Variants in PAFAH2 observed in about 807,000 individuals in gnomAD.
PAFAH2 encodes the protein platelet activating factor acetylhydrolase 2.
In PAFAH2, 42 loss-of-function variants were observed where a neutral mutation model predicts 49.0. The ratio of observed to expected loss-of-function variants is 0.86; its 90% CI spans 0.67 to 1.11. The LOEUF (loss-of-function observed/expected upper bound fraction) is 1.11. Ranked by LOEUF, PAFAH2 falls within the 50% of genes least tolerant of loss-of-function variation. The pLI is 0.00. For synonymous variants in PAFAH2, 184 were observed against 181.3 expected, an observed-to-expected ratio of 1.01 and a Z score of -0.12; for missense variants, 503 against 501.8, an observed-to-expected ratio of 1.00 and a Z score of -0.02.
intron 7 of PAFAH2, among the ~76,000 whole-genome samples, chr1:25,978,832 A>G (rs1334231000): frequency 6.6e-6 from 1 of 152,254 alleles, no homozygotes; most frequent in African/African-American, 2.4e-5. Context: ...TACTGTGTTA[A>G]GCCACTGAAA....
chr1:25,980,625 ATATATATTTTATATATATT>A (rs1169387107), intron 7 of PAFAH2, among the ~76,000 whole-genome samples: 1 of 147,318 alleles, frequency 6.8e-6, no homozygotes, highest in African/African-American at 2.5e-5. Context: ...ATATATATAT[ATATATATTTTATATATATT>A]TATTTATATA....
intron 1 of PAFAH2, among the ~76,000 whole-genome samples, chr1:25,993,468 C>G (rs116360493): frequency 1.4e-4 from 21 of 152,254 alleles, no homozygotes; most frequent in Non-Finnish European, 2.8e-4. Context: ...ACAAGCAGAA[C>G]GATGATAACA....
At position 25,979,319 on chromosome 1, in the gene PAFAH2, C is replaced by CTTT. The variant is rs68030738; in HGVS notation, c.667-2549_667-2547dup. On this transcript the variant is annotated intron_variant, in intron 7 of 10. Transcript: ENST00000374282. Reference sequence around the variant, plus strand: ...ACTGTAGCCTGCCATTTACCAATGCCTTTTTTTTTTTTTTTTGAGATAGTC... The same window carrying CTTT: ...ACTGTAGCCTGCCATTTACCAATGCCTTTTTTTTTTTTTTTTTTTGAGATAGTC... Among the ~76,000 whole-genome samples, 12 of 62,152 alleles carry CTTT rather than the reference C, an allele frequency of 1.9e-4. 1 individual carries two copies. Among genetic ancestry groups the CTTT allele is most frequent in the Non-Finnish European group, 1.9e-4 (5 of 25,742 alleles). The allele number at this position is 62,152 out of a possible 152,430, so 40.8% of individuals were successfully genotyped here. A position where few individuals can be genotyped will look rare whatever the true frequency, so the allele number is the denominator to read the frequency against.
intron 5 of PAFAH2, 95 bp downstream of exon 5, chr1:25,984,365 G>T: frequency 1.1e-6 from 1 of 943,682 alleles, no homozygotes; most frequent in Non-Finnish European, 1.6e-6. Flanking sequence ...TGGCTTGCAC[G>T]GTTGTCGAGA....
chr1:25,995,419 T>G (rs2049924471), intron 1 of PAFAH2, among the ~76,000 whole-genome samples: 1 of 152,182 alleles, frequency 6.6e-6, no homozygotes, highest in Admixed American at 6.5e-5. Flanking sequence ...AAATGTATAT[T>G]CTGGGGGCCC....
chr1:25,993,292 G>GA (rs1310690422), intron 1 of PAFAH2, among the ~76,000 whole-genome samples: 3 of 152,154 alleles, frequency 2.0e-5, no homozygotes, highest in African/African-American at 7.2e-5. Flanking sequence ...GATGCTCTGG[G>GA]AGGGATTCAG....
chr1:25,980,872 C>G (rs966953697), intron 7 of PAFAH2, among the ~76,000 whole-genome samples: 2 of 151,692 alleles, frequency 1.3e-5, no homozygotes, highest in Admixed American at 6.6e-5. Context: ...AAAAAATTAG[C>G]TGGGCATGGT....
chr1:25,982,479 T>A lies in PAFAH2; in HGVS notation c.553-2A>T. On this transcript the variant is annotated splice_acceptor_variant, in intron 6 of 10. Transcript: ENST00000374282. LOFTEE classifies it high-confidence loss of function. Reference sequence around the variant, plus strand: ...ACACTCGCTTACCCGCTGATGCACCTGCAACAGAGACAGTCCCAGTGGGAC... The same window carrying A: ...ACACTCGCTTACCCGCTGATGCACCAGCAACAGAGACAGTCCCAGTGGGAC... The A allele has an allele frequency of 6.2e-7, 1 of 1,608,746 alleles. No individual in the cohort carries two copies. Among genetic ancestry groups the A allele is most frequent in the East Asian group, 2.2e-5 (1 of 44,848 alleles).
At chr1:25,967,080 G>A (rs1305177557) in intron 10 of PAFAH2, among the ~76,000 whole-genome samples, 1 of 151,618 alleles carries the variant, frequency 6.6e-6, no homozygotes, top group Non-Finnish European at 1.5e-5. Context: ...GGCAAGGGTG[G>A]TAGTGAGGAG....
At chr1:25,989,902 G>A (rs1021070582) in intron 2 of PAFAH2, among the ~76,000 whole-genome samples, 2 of 152,216 alleles carry the variant, frequency 1.3e-5, no homozygotes, top group Non-Finnish European at 2.9e-5. Context: ...ATCTGGCCCT[G>A]AACCTAGGCC....
chr1:25,967,253 T>C (rs1352025477), intron 10 of PAFAH2, among the ~76,000 whole-genome samples: 1 of 152,096 alleles, frequency 6.6e-6, no homozygotes, highest in Non-Finnish European at 1.5e-5. Context: ...GAGACAAGGA[T>C]GAAGACTTTG....
At chr1:25,975,119 C>T (rs763437719) in intron 8 of PAFAH2, among the ~76,000 whole-genome samples, 19 of 152,152 alleles carry the variant, frequency 1.2e-4, no homozygotes, top group Non-Finnish European at 1.9e-4. Flanking sequence ...TATGTGAGGT[C>T]AGGAAAAGCC....
At chr1:25,995,679 T>G (rs1206897161) in intron 1 of PAFAH2, among the ~76,000 whole-genome samples, 1 of 152,244 alleles carries the variant, frequency 6.6e-6, no homozygotes, top group Non-Finnish European at 1.5e-5. Context: ...CTAGACTTAA[T>G]GTAGTGCCCT....
intron 10 of PAFAH2, among the ~76,000 whole-genome samples, chr1:25,966,999 T>A (rs1572340343): frequency 7.7e-6 from 1 of 130,294 alleles, no homozygotes; most frequent in South Asian, 2.7e-4. Context: ...GCCACTGCAC[T>A]CCAGTCTGGG....
chr1:25,991,006 A>T (rs1181544018), intron 1 of PAFAH2, 143 bp from the exon 2 acceptor site: 1 of 541,652 alleles, frequency 1.8e-6, no homozygotes, highest in Non-Finnish European at 3.3e-6. Flanking sequence ...TGCACCTACT[A>T]CTTTGCTACA....
chr1:25,961,911 A>G lies in PAFAH2; in HGVS notation c.*78T>C. The G allele has an allele frequency of 1.0e-6, 1 of 990,596 alleles. No homozygotes were observed. The highest frequency in any genetic ancestry group is 1.6e-6 in the Non-Finnish European group (1 of 623,660). 61.4% of individuals were successfully genotyped at this position (990,596 alleles called of 1,614,324 possible). On this transcript the variant is annotated 3_prime_UTR_variant, in exon 11 of 11. Transcript: ENST00000374282. ...AAGGGGTCACGTTGATCACTTCTTG[A>G]TAGGAGCTCATGGGTGCCCTTGGGT...
At chr1:25,990,671 G>C in intron 2 of PAFAH2, 56 bp downstream of exon 2, 1 of 1,396,664 alleles carries the variant, frequency 7.2e-7, no homozygotes, top group South Asian at 1.2e-5. Flanking sequence ...TGATCAGTAA[G>C]TCACGGTGCC....
intron 1 of PAFAH2, among the ~76,000 whole-genome samples, 155 bp downstream of exon 1, chr1:25,997,870 G>C (rs1015972606): frequency 6.6e-6 from 1 of 152,102 alleles, no homozygotes; most frequent in Non-Finnish European, 1.5e-5. Flanking sequence ...TCAAGGGAGC[G>C]GGTGGCTACA....
chr1:25,984,215 G>C, intron 5 of PAFAH2, 128 bp from the exon 6 acceptor site: 3 of 1,103,248 alleles, frequency 2.7e-6, no homozygotes, highest in African/African-American at 1.6e-5. Flanking sequence ...AGGAGATCTG[G>C]GGCATGCATA....
Sources: allele counts gnomAD v4.1 joint callset (sites outside exome capture counted in the v4.1 genomes callset), GRCh38; gene constraint gnomAD v4.1.1; transcripts MANE v1.5; gene names NCBI Gene and HGNC (gene_info 2026-07-23, HGNC 2026-07-21).